Variants in STX18 observed in about 807,000 individuals in gnomAD.
STX18 encodes the protein syntaxin 18, also known as syntaxin-18.
A neutral mutation model predicts 50.1 loss-of-function variants in STX18; 40 were observed. The observed-to-expected ratio is 0.80, with a 90% CI of 0.62 to 1.04. The LOEUF (loss-of-function observed/expected upper bound fraction) is 1.04, where lower values mean the gene tolerates loss of function less well. Among genes scored for constraint, STX18 ranks in the 50% least tolerant of loss-of-function variants. STX18 has a pLI of 0.00. For synonymous variants in STX18, 158 were observed against 151.8 expected, an observed-to-expected ratio of 1.04 and a Z score of -0.30; for missense variants, 410 against 415.8, an observed-to-expected ratio of 0.99 and a Z score of 0.12.
chr4:4,424,988 G>A lies in STX18; in HGVS notation c.761+176C>T, dbSNP rs188604333. Among the ~76,000 whole-genome samples the A allele has an allele frequency of 4.6e-4, 70 of 152,308 alleles. No individual in the cohort carries two copies. In the East Asian group the frequency reaches 0.012, roughly 26 times the overall value. On this transcript the variant is annotated intron_variant, in intron 8 of 10. Coordinates refer to ENST00000306200, the MANE Select transcript of STX18 (RefSeq NM_016930.4). ...GAGGTAACCCACAGGCCCACAAGCT[G>A]AGGGAGTTGTGGATTCAGGCCACAT...
intron 1 of STX18, among the ~76,000 whole-genome samples, chr4:4,536,934 G>A (rs540719240): frequency 6.6e-6 from 1 of 152,032 alleles, no homozygotes; most frequent in Non-Finnish European, 1.5e-5. Context: ...TTATCTAATC[G>A]AAGCTTTCAG....
At chr4:4,531,036 A>G (rs1036722708) in intron 1 of STX18, among the ~76,000 whole-genome samples, 16 of 152,176 alleles carry the variant, frequency 1.1e-4, no homozygotes, top group African/African-American at 3.9e-4. Flanking sequence ...GTATGTATGA[A>G]ACAAGGAACT....
At chr4:4,479,762 G>C (rs527478044) in intron 1 of STX18, among the ~76,000 whole-genome samples, 35 of 152,250 alleles carry the variant, frequency 2.3e-4, no homozygotes, top group Middle Eastern at 3.4e-3. Flanking sequence ...ACAGCAGTAT[G>C]GTCCCTACAT....
At chr4:4,534,420 C>T (rs919585958) in intron 1 of STX18, among the ~76,000 whole-genome samples, 5 of 152,188 alleles carry the variant, frequency 3.3e-5, no homozygotes, top group African/African-American at 1.2e-4. Context: ...CTACCTCCTC[C>T]TCTTTCTATT....
At chr4:4,463,839 C>T (rs959834990) in intron 2 of STX18, among the ~76,000 whole-genome samples, 7 of 151,972 alleles carry the variant, frequency 4.6e-5, no homozygotes, top group African/African-American at 1.5e-4. Flanking sequence ...TACTATGCAT[C>T]GGAATAATTA....
intron 1 of STX18, among the ~76,000 whole-genome samples, chr4:4,498,337 T>C (rs1729279442): frequency 6.6e-6 from 1 of 152,186 alleles, no homozygotes; most frequent in Non-Finnish European, 1.5e-5. Context: ...TCAATGATGA[T>C]AATATACCCC....
chr4:4,472,886 A>G (rs968615125), intron 1 of STX18, among the ~76,000 whole-genome samples: 1 of 152,230 alleles, frequency 6.6e-6, no homozygotes, highest in Non-Finnish European at 1.5e-5. Flanking sequence ...TTTCCCACAT[A>G]GTCTAGACTC....
chr4:4,489,758 A>AT (rs1001143150), intron 1 of STX18, among the ~76,000 whole-genome samples: 1 of 152,172 alleles, frequency 6.6e-6, no homozygotes, highest in African/African-American at 2.4e-5. Flanking sequence ...ACTCCGTAAC[A>AT]TAACATTTGC....
At chr4:4,490,587 A>T (rs1728899439) in intron 1 of STX18, among the ~76,000 whole-genome samples, 2 of 152,302 alleles carry the variant, frequency 1.3e-5, no homozygotes, top group African/African-American at 4.8e-5. Flanking sequence ...TTTATTGGAA[A>T]CTAAGAATTT....
chr4:4,460,833 C>T (rs888111909), intron 2 of STX18, among the ~76,000 whole-genome samples: 9 of 152,142 alleles, frequency 5.9e-5, no homozygotes, highest in Admixed American at 3.3e-4. Flanking sequence ...GGCGCTAAGC[C>T]AGCAAGCTCG....
intron 5 of STX18, among the ~76,000 whole-genome samples, chr4:4,455,949 G>A (rs976961337): frequency 1.3e-5 from 2 of 152,122 alleles, no homozygotes; most frequent in Non-Finnish European, 2.9e-5. Context: ...GTGAATCCTA[G>A]AACCAGAGAG....
rs34563523 is a variant in STX18 at position 4,489,391 on chromosome 4, A to ATTTTTTTTTTTTTTTTTTTT, written c.169-17705_169-17686dup. Among the ~76,000 whole-genome samples, 15 of 51,678 alleles carry ATTTTTTTTTTTTTTTTTTTT rather than the reference A, an allele frequency of 2.9e-4. 3 individuals carry two copies. The highest frequency in any genetic ancestry group is 5.3e-4 in the Non-Finnish European group (14 of 26,644). 33.9% of individuals were successfully genotyped at this position (51,678 alleles called of 152,430 possible). On this transcript the variant is annotated intron_variant, in intron 1 of 10. Coordinates refer to ENST00000306200, the MANE Select transcript of STX18 (RefSeq NM_016930.4). ...AGCACTTCAATACACATGCAAAATAATTTTTTTTTTTTTTTTTTTTTTTTT... is the reference window on the plus strand; with the variant it reads ...AGCACTTCAATACACATGCAAAATAATTTTTTTTTTTTTTTTTTTTTTTTTTTTTTTTTTTTTTTTTTTTT...
intron 2 of STX18, among the ~76,000 whole-genome samples, chr4:4,462,790 T>C (rs1727448718): frequency 6.6e-6 from 1 of 152,174 alleles, no homozygotes; most frequent in African/African-American, 2.4e-5. Flanking sequence ...TGAAGTTATC[T>C]GCCCTTAAGT....
chr4:4,471,520 G>T, intron 2 of STX18, 119 bp downstream of exon 2: 1 of 615,940 alleles, frequency 1.6e-6, no homozygotes, highest in Non-Finnish European at 2.7e-6. Flanking sequence ...TGCCAAACTG[G>T]TCTTCCTCAT....
At chr4:4,438,728 C>T (rs1159129144) in intron 5 of STX18, among the ~76,000 whole-genome samples, 1 of 152,012 alleles carries the variant, frequency 6.6e-6, no homozygotes, top group Non-Finnish European at 1.5e-5. Context: ...ATGCCCTCTG[C>T]ATTTGCAGCC....
At chr4:4,466,641 GC>G (rs1727635410) in intron 2 of STX18, among the ~76,000 whole-genome samples, 1 of 152,180 alleles carries the variant, frequency 6.6e-6, no homozygotes. Flanking sequence ...TGGGAATGGT[GC>G]TGCTCACAGG....
intron 1 of STX18, among the ~76,000 whole-genome samples, chr4:4,475,881 A>G (rs908330908): frequency 6.6e-6 from 1 of 152,184 alleles, no homozygotes. Flanking sequence ...TTGGCCTCCC[A>G]AAGTGCTGGG....
At chr4:4,457,558 T>A in intron 3 of STX18, 58 bp from the exon 4 acceptor site, 2 of 1,279,662 alleles carry the variant, frequency 1.6e-6, no homozygotes, top group Non-Finnish European at 2.2e-6. Context: ...AAAGAGCAAT[T>A]CATCAGCTTC....
rs940697923 is a variant in STX18 at position 4,482,942 on chromosome 4, T to G, written c.169-11236A>C. Among the ~76,000 whole-genome samples the G allele has an allele frequency of 5.3e-5, 8 of 152,206 alleles. No individual in the cohort carries two copies. In the South Asian group the frequency reaches 1.7e-3, roughly 31 times the overall value. The stretch of plus-strand genomic sequence containing the variant: ...TATAATCAATAGCTAAATAACCTAT[T>G]GCTAAGAACCAATACTAATCTTACG... On this transcript the variant is annotated intron_variant, in intron 1 of 10. Transcript: ENST00000306200.
Sources: allele counts gnomAD v4.1 joint callset (sites outside exome capture counted in the v4.1 genomes callset), GRCh38; gene constraint gnomAD v4.1.1; transcripts MANE v1.5; gene names NCBI Gene and HGNC (gene_info 2026-07-23, HGNC 2026-07-21).